UGT1A8: variants seen among roughly 807,000 people sequenced by gnomAD.
UGT1A8 encodes the protein UDP-glucuronosyltransferase 1A8.
UGT1A8 carries 39 observed loss-of-function variants against 45.3 expected under a neutral mutation model. The ratio of observed to expected loss-of-function variants is 0.86; its 90% CI spans 0.67 to 1.12. UGT1A8 has a LOEUF of 1.12. Ranked by LOEUF, UGT1A8 falls within the 50% of genes most tolerant of loss-of-function variation. The pLI is 0.00. For synonymous variants in UGT1A8, 275 were observed against 249.2 expected (o/e 1.10, Z -0.97); for missense variants, 719 against 664.9 (o/e 1.08, Z -0.90).
chr2:233,767,164 C>T lies in UGT1A8; in HGVS notation c.986C>T (p.Thr329Ile). 1.2e-6 allele frequency: 2 copies of T among 1,614,090 alleles called. No individual in the cohort carries two copies. The highest frequency in any genetic ancestry group is 1.7e-6 in the Non-Finnish European group (2 of 1,180,006). Reference sequence around the variant, plus strand: ...GATGCTTTGGGCAAAATCCCTCAGACAGTAAGAAGATTCTATACCATGGCC... The same window carrying T: ...GATGCTTTGGGCAAAATCCCTCAGATAGTAAGAAGATTCTATACCATGGCC... ...IADALGKIPQTVLWRYTGTRP... is the reference protein window; with the variant it reads ...IADALGKIPQIVLWRYTGTRP... Residue 329 changes from threonine to isoleucine, a missense_variant and splice_region_variant, in exon 2 of 5, where the codon ACA (threonine) becomes ATA (isoleucine). By Grantham distance (89) the Thr-to-Ile change is moderately conservative. Transcript: ENST00000373450.
chr2:233,748,002 G>C (rs1380342969), intron 1 of UGT1A8: 18 of 1,613,382 alleles, frequency 1.1e-5, no homozygotes, highest in Non-Finnish European at 1.4e-5. Flanking sequence ...CTTTGTGATG[G>C]ATTACCCCAG....
chr2:233,766,101 A>G (rs1699049254), intron 1 of UGT1A8, among the ~76,000 whole-genome samples: 1 of 152,188 alleles, frequency 6.6e-6, no homozygotes, highest in South Asian at 2.1e-4. Context: ...GGCTTTCTGT[A>G]TCCTGGGGGC....
At chr2:233,690,632 T>C (rs971639423) in intron 1 of UGT1A8, 1 of 1,287,656 alleles carries the variant, frequency 7.8e-7, no homozygotes, top group Non-Finnish European at 1.0e-6. Context: ...AAGTGATACC[T>C]GAGGACACCT....
intron 1 of UGT1A8, chr2:233,693,502 A>G (rs1280559315): frequency 2.5e-6 from 4 of 1,614,144 alleles, no homozygotes; most frequent in Non-Finnish European, 3.4e-6. Flanking sequence ...TGGGCCTACC[A>G]TCTGTGTACC....
intron 1 of UGT1A8, among the ~76,000 whole-genome samples, chr2:233,705,136 GAAAA>G (rs11336071): frequency 7.0e-6 from 1 of 142,642 alleles, no homozygotes; most frequent in African/African-American, 2.6e-5. Flanking sequence ...GACTTCGTCT[GAAAA>G]AAAAAAAAAG....
chr2:233,668,089 G>A (rs1350869213), intron 1 of UGT1A8, among the ~76,000 whole-genome samples: 2 of 151,892 alleles, frequency 1.3e-5, no homozygotes, highest in East Asian at 1.9e-4. Context: ...AAGTTCTAGG[G>A]TACATGTGCA....
intron 1 of UGT1A8, chr2:233,713,358 A>G (rs772185686): frequency 1.2e-5 from 19 of 1,614,040 alleles, no homozygotes; most frequent in Non-Finnish European, 1.4e-5. Flanking sequence ...TATGTCTTTG[A>G]TCATACATAG....
chr2:233,636,954 A>G (rs944162954), intron 1 of UGT1A8: 9 of 1,614,090 alleles, frequency 5.6e-6, no homozygotes, highest in Middle Eastern at 1.7e-4. Context: ...CTTTTGATGC[A>G]GTGTTTCTGG....
At chr2:233,762,172 G>A (rs964461264) in intron 1 of UGT1A8, among the ~76,000 whole-genome samples, 8 of 152,040 alleles carry the variant, frequency 5.3e-5, no homozygotes, top group East Asian at 3.9e-4. Flanking sequence ...TGTATGCGGC[G>A]TCCTCAACAC....
intron 1 of UGT1A8, among the ~76,000 whole-genome samples, chr2:233,662,532 G>T (rs371005016): frequency 1.2e-4 from 19 of 152,168 alleles, no homozygotes; most frequent in African/African-American, 3.9e-4. Context: ...CTTGGAGGTT[G>T]TTGTAGAGTT....
chr2:233,713,405 C>G (rs2076318550), intron 1 of UGT1A8: 2 of 1,614,030 alleles, frequency 1.2e-6, no homozygotes, highest in South Asian at 1.1e-5. Context: ...AGGCCCTGAT[C>G]AGGCACCTGC....
chr2:233,631,176 T>C (rs1190523440), intron 1 of UGT1A8, among the ~76,000 whole-genome samples: 1 of 152,182 alleles, frequency 6.6e-6, no homozygotes, highest in Admixed American at 6.5e-5. Flanking sequence ...GAATGCATCC[T>C]TTTTAATGGC....
chr2:233,632,050 T>A (rs377735853), intron 1 of UGT1A8, among the ~76,000 whole-genome samples: 42 of 152,226 alleles, frequency 2.8e-4, no homozygotes, highest in African/African-American at 7.5e-4. Flanking sequence ...GTTTTCTACA[T>A]ATGGCTAGCC....
At chr2:233,652,712 C>G (rs2073768838) in intron 1 of UGT1A8, among the ~76,000 whole-genome samples, 1 of 152,162 alleles carries the variant, frequency 6.6e-6, no homozygotes, top group Non-Finnish European at 1.5e-5. Flanking sequence ...CAAGACTGTT[C>G]AAATGGGAAA....
chr2:233,769,665 G>A lies in UGT1A8; in HGVS notation c.1295+1226G>A. 6.3e-7 allele frequency: 1 copy of A among 1,592,194 alleles called. No individual in the cohort carries two copies. Among genetic ancestry groups the A allele is most frequent in the Non-Finnish European group, 8.6e-7 (1 of 1,169,328 alleles). On this transcript the variant is annotated intron_variant, in intron 4 of 4. Transcript: ENST00000373450. The surrounding 1 kb of genome is among the most constrained non-coding windows in gnomAD (Gnocchi z 4.4). ...TGATGACTGACTTCCCACCTTTGAG[G>A]TGCTAATGTGTGTGTGGTGGCACTG...
intron 1 of UGT1A8, chr2:233,672,597 C>T (rs2074232436): frequency 2.5e-6 from 4 of 1,613,862 alleles, no homozygotes; most frequent in Non-Finnish European, 2.5e-6. Flanking sequence ...TATTATGCCA[C>T]CGTTTTTTCA....
At chr2:233,699,295 T>C (rs1289156028) in intron 1 of UGT1A8, among the ~76,000 whole-genome samples, 1 of 152,164 alleles carries the variant, frequency 6.6e-6, no homozygotes, top group Non-Finnish European at 1.5e-5. Context: ...GCTGGGACAC[T>C]CTTATGCTGT....
chr2:233,759,453 T>C (rs1697142782), intron 1 of UGT1A8, among the ~76,000 whole-genome samples: 1 of 152,190 alleles, frequency 6.6e-6, no homozygotes, highest in Non-Finnish European at 1.5e-5. Context: ...CAGGCCCAGT[T>C]AGCCACTCAA....
chr2:233,655,772 A>G (rs1309478526), intron 1 of UGT1A8, among the ~76,000 whole-genome samples: 2 of 152,182 alleles, frequency 1.3e-5, no homozygotes, highest in African/African-American at 4.8e-5. Context: ...TCCCTGCAAG[A>G]GCAATGCTAA....
Sources: allele counts gnomAD v4.1 joint callset (sites outside exome capture counted in the v4.1 genomes callset), GRCh38; gene constraint gnomAD v4.1.1; non-coding constraint Gnocchi (gnomAD v3.1); transcripts MANE v1.5; gene names NCBI Gene and HGNC (gene_info 2026-07-23, HGNC 2026-07-21).